Variants in ZC3H12B observed in about 807,000 individuals in gnomAD.
The protein encoded by ZC3H12B is probable ribonuclease ZC3H12B.
ZC3H12B carries 7 observed loss-of-function variants against 43.9 expected under a neutral mutation model. The observed-to-expected ratio is 0.16, with a 90% CI of 0.09 to 0.30. ZC3H12B has a LOEUF of 0.30. ZC3H12B is among the 10% of genes least tolerant of loss of function. ZC3H12B has a pLI of 1.00. For missense variants in ZC3H12B, 475 were observed against 670.2 expected (o/e 0.71, Z 3.22); for synonymous variants, 222 against 241.7 (o/e 0.92, Z 0.76).
At chrX:65,102,402 A>G in the ZC3H12B span, among the ~76,000 whole-genome samples, 2 of 112,043 alleles carry the variant, frequency 1.8e-5, no homozygotes, top group Non-Finnish European at 3.8e-5. Context: ...AGGCAAGAGA[A>G]AGAAATAAAA....
the ZC3H12B span, among the ~76,000 whole-genome samples, chrX:65,097,403 C>A: frequency 2.7e-5 from 3 of 111,266 alleles, no homozygotes; most frequent in Non-Finnish European, 5.7e-5. Flanking sequence ...TTTTTCTGGG[C>A]CTTCATGTTA....
intron 2 of ZC3H12B, among the ~76,000 whole-genome samples, chrX:65,373,897 A>ATATATATATATATATATAT (rs1215963583): frequency 3.7e-5 from 1 of 27,348 alleles, no homozygotes; most frequent in African/African-American, 1.7e-4. Flanking sequence ...GTATAGTAAT[A>ATATATATATATATATATAT]TATATATATA....
the ZC3H12B span, among the ~76,000 whole-genome samples, chrX:65,290,043 A>T: frequency 1.8e-5 from 2 of 111,104 alleles, no homozygotes; most frequent in East Asian, 5.6e-4. Flanking sequence ...GAATGAAGAG[A>T]TAACCTATTG....
At chrX:65,493,222 C>A (rs983916275) in intron 1 of ZC3H12B, among the ~76,000 whole-genome samples, 2 of 110,653 alleles carry the variant, frequency 1.8e-5, no homozygotes, top group East Asian at 5.7e-4. Context: ...GCCTGGCCAA[C>A]AAGGCAAAAC....
At chrX:65,459,361 G>A (rs977379451) in intron 3 of ZC3H12B, among the ~76,000 whole-genome samples, 1 of 111,844 alleles carries the variant, frequency 8.9e-6, no homozygotes, top group African/African-American at 3.3e-5. Flanking sequence ...ATTTTATGAG[G>A]CCAGCATCAT....
At chrX:65,209,851 A>T in the ZC3H12B span, among the ~76,000 whole-genome samples, 1 of 99,551 alleles carries the variant, frequency 1.0e-5, no homozygotes, top group East Asian at 3.1e-4. Context: ...GTGCTGGGAA[A>T]ACTGGCTAGC....
the ZC3H12B span, among the ~76,000 whole-genome samples, chrX:65,086,777 T>C: frequency 8.9e-6 from 1 of 112,008 alleles, no homozygotes; most frequent in African/African-American, 3.3e-5. Flanking sequence ...TTTATGTTGT[T>C]TATAAGCTAC....
At chrX:65,294,700 A>G in the ZC3H12B span, among the ~76,000 whole-genome samples, 2 of 111,923 alleles carry the variant, frequency 1.8e-5, no homozygotes, top group African/African-American at 6.5e-5. Flanking sequence ...AGGAGTAGCT[A>G]TTTTTATATC....
At chrX:65,416,503 C>CG (rs1429246853) in intron 3 of ZC3H12B, among the ~76,000 whole-genome samples, 2 of 110,395 alleles carry the variant, frequency 1.8e-5, no homozygotes, top group East Asian at 2.8e-4. Flanking sequence ...AAAATCGGGC[C>CG]GGGTGCGGTG....
chrX:65,246,440 C>T, the ZC3H12B span, among the ~76,000 whole-genome samples: 1 of 111,804 alleles, frequency 8.9e-6, no homozygotes, highest in African/African-American at 3.2e-5. Context: ...CAAAAGAGAA[C>T]CTGAATAGCC....
intron 3 of ZC3H12B, among the ~76,000 whole-genome samples, chrX:65,454,030 G>A (rs921390326): frequency 8.9e-6 from 1 of 112,091 alleles, no homozygotes; most frequent in South Asian, 3.7e-4. Context: ...TGGCCGAATA[G>A]GAACAGCTCC....
chrX:65,233,744 AAAAG>A, the ZC3H12B span, among the ~76,000 whole-genome samples: 1 of 111,219 alleles, frequency 9.0e-6, no homozygotes, highest in African/African-American at 3.3e-5. Context: ...ATAACATCAA[AAAAG>A]AAATAAAGGA....
chrX:65,353,936 A>G, the ZC3H12B span, among the ~76,000 whole-genome samples: 25 of 112,036 alleles, frequency 2.2e-4, no homozygotes, highest in African/African-American at 8.1e-4. Flanking sequence ...TGGGCAGGGC[A>G]TCTCAGGAAG....
At chrX:65,409,774 T>C (rs989041955) in intron 3 of ZC3H12B, among the ~76,000 whole-genome samples, 2 of 110,891 alleles carry the variant, frequency 1.8e-5, no homozygotes, top group East Asian at 5.6e-4. Flanking sequence ...GCAAAAGATT[T>C]CTCAAAAATT....
the ZC3H12B span, among the ~76,000 whole-genome samples, chrX:65,241,396 G>A: frequency 1.8e-5 from 2 of 109,975 alleles, no homozygotes; most frequent in Admixed American, 9.6e-5. Flanking sequence ...TGGACTCCCT[G>A]GAGCCGGCAG....
At chrX:65,392,203 G>T (rs1341145498) in intron 2 of ZC3H12B, among the ~76,000 whole-genome samples, 1 of 111,629 alleles carries the variant, frequency 9.0e-6, no homozygotes, top group Non-Finnish European at 1.9e-5. Flanking sequence ...TAGGAAGTGA[G>T]GAGCGTCTCT....
At chrX:65,189,457 T>A in the ZC3H12B span, among the ~76,000 whole-genome samples, 1 of 104,901 alleles carries the variant, frequency 9.5e-6, no homozygotes, top group Non-Finnish European at 1.9e-5. Context: ...CTCCAGCACC[T>A]GTTGTTTCCT....
chrX:65,194,798 G>T, the ZC3H12B span, among the ~76,000 whole-genome samples: 3 of 111,968 alleles, frequency 2.7e-5, no homozygotes, highest in African/African-American at 9.7e-5. Flanking sequence ...TTGTATTGTT[G>T]CCTGTCACTT....
In ZC3H12B at chrX:65,490,174, T is replaced by C. The variant is rs189724051; in HGVS notation, c.608+765T>C. 4.5e-5 allele frequency among the ~76,000 whole-genome samples: 5 copies of C among 110,930 alleles called. No individual in the cohort carries two copies. The East Asian group carries it at 1.4e-3, about 31-fold the overall frequency. ...GGTAAAATGGACTTTGCAAATGTGA[T>C]TAAGGTTCTTGAGATGGGAGAGATT... On this transcript the variant is annotated intron_variant, in intron 1 of 4. Transcript: ENST00000338957.
Sources: gnomAD v4.1 joint callset for allele counts (sites outside exome capture counted in the v4.1 genomes callset) on GRCh38, gnomAD v4.1.1 for gene constraint, MANE v1.5 for transcripts, NCBI Gene and HGNC (gene_info 2026-07-23, HGNC 2026-07-21) for gene names.